The following WWOX variants were observed in gnomAD, a reference collection of about 807,000 sequenced individuals.
WWOX encodes WW domain-containing oxidoreductase.
In WWOX, 69 loss-of-function variants were observed where a neutral mutation model predicts 46.2. The ratio of observed to expected loss-of-function variants is 1.49; its 90% CI spans 1.23 to 1.82. The LOEUF is 1.82. Among genes scored for constraint, WWOX ranks in the 40% most tolerant of loss-of-function variants. The pLI is 0.00. For synonymous variants in WWOX, 359 were observed against 202.6 expected (o/e 1.77, Z -6.56); for missense variants, 919 against 542.6 (o/e 1.69, Z -6.89).
intron 5 of WWOX, among the ~76,000 whole-genome samples, chr16:78,240,938 G>A (rs1340341028): frequency 1.3e-5 from 2 of 152,156 alleles, no homozygotes; most frequent in African/African-American, 4.8e-5. Context: ...TGTCCAGCAA[G>A]GTATCGCTTG....
At chr16:78,882,948 G>T (rs112156244) in intron 8 of WWOX, among the ~76,000 whole-genome samples, 1 of 152,110 alleles carries the variant, frequency 6.6e-6, no homozygotes, top group Admixed American at 6.5e-5. Context: ...CAGCGATGTC[G>T]TAGGCTGAGG....
rs533600243 is a variant in WWOX at position 78,407,760 on chromosome 16, G to A, written c.606-17110G>A. Among the ~76,000 whole-genome samples the A allele has an allele frequency of 8.2e-4, 125 of 152,234 alleles. 1 individual carries two copies. The highest frequency in any genetic ancestry group is 2.9e-3 in the African/African-American group (121 of 41,536). Reference sequence around the variant, plus strand: ...CTATTCAACGTCCTGTAGACCAAATGCCATAAGAAAAATAGCATTGATTCA... The same window carrying A: ...CTATTCAACGTCCTGTAGACCAAATACCATAAGAAAAATAGCATTGATTCA... On this transcript the variant is annotated intron_variant, in intron 6 of 8. Coordinates refer to ENST00000566780, the MANE Select transcript of WWOX (RefSeq NM_016373.4).
At chr16:79,177,936 A>G (rs1368679114) in intron 8 of WWOX, among the ~76,000 whole-genome samples, 1 of 152,198 alleles carries the variant, frequency 6.6e-6, no homozygotes, top group Non-Finnish European at 1.5e-5. Flanking sequence ...TCCAAGAGCA[A>G]AGCAACGGCA....
chr16:79,025,521 C>G (rs2047620349), intron 8 of WWOX, among the ~76,000 whole-genome samples: 2 of 152,024 alleles, frequency 1.3e-5, no homozygotes, highest in Non-Finnish European at 2.9e-5. Flanking sequence ...GATTCCCCCA[C>G]AAGCCAGGGA....
At chr16:78,932,799 C>T (rs899814979) in intron 8 of WWOX, among the ~76,000 whole-genome samples, 4 of 152,140 alleles carry the variant, frequency 2.6e-5, no homozygotes, top group Admixed American at 6.5e-5. Flanking sequence ...GGTCCCAAGC[C>T]CCTCCTGTAG....
At chr16:78,812,145 T>A (rs2051206013) in intron 8 of WWOX, among the ~76,000 whole-genome samples, 1 of 151,980 alleles carries the variant, frequency 6.6e-6, no homozygotes, top group Non-Finnish European at 1.5e-5. Context: ...TAGGTACCAA[T>A]GCATGGCAAT....
intron 8 of WWOX, chr16:79,106,081 C>G (rs1027779126): frequency 3.3e-5 from 5 of 152,184 alleles, no homozygotes; most frequent in Admixed American, 3.3e-4. Flanking sequence ...GTTCCTGGAT[C>G]AGCAGCATCA....
At position 78,156,699 on chromosome 16, in the gene WWOX, G is replaced by T. The variant is rs376669595; in HGVS notation, c.410-7484G>T. Reference sequence around the variant, plus strand: ...AGCACTTTGGGAGGTCGAGGTGGGTGGGTCATTTGAGGTTAGGAGTTCGAG... The same window carrying T: ...AGCACTTTGGGAGGTCGAGGTGGGTTGGTCATTTGAGGTTAGGAGTTCGAG... On this transcript the variant is annotated intron_variant, in intron 4 of 8. Coordinates refer to ENST00000566780, the MANE Select transcript of WWOX (RefSeq NM_016373.4). 3.3e-4 allele frequency among the ~76,000 whole-genome samples: 51 copies of T among 152,250 alleles called. No homozygotes were observed. The East Asian group carries it at 6.4e-3, about 19-fold the overall frequency.
chr16:79,121,819 A>G (rs1306120700), intron 8 of WWOX, among the ~76,000 whole-genome samples: 1 of 152,164 alleles, frequency 6.6e-6, no homozygotes, highest in East Asian at 1.9e-4. Context: ...ATCCCTAATA[A>G]TAAATAAACC....
chr16:79,159,124 G>C (rs754533319), intron 8 of WWOX, among the ~76,000 whole-genome samples: 1 of 152,224 alleles, frequency 6.6e-6, no homozygotes, highest in Non-Finnish European at 1.5e-5. Context: ...ATTTCTCTAA[G>C]TAAATATGCC....
intron 8 of WWOX, among the ~76,000 whole-genome samples, chr16:78,750,124 A>T (rs2049441344): frequency 6.6e-6 from 1 of 152,244 alleles, no homozygotes; most frequent in African/African-American, 2.4e-5. Flanking sequence ...GAAGAAGAGA[A>T]ATGAAAATAA....
chr16:79,206,634 C>G (rs2051521520), intron 8 of WWOX: 1 of 152,222 alleles, frequency 6.6e-6, no homozygotes, highest in Non-Finnish European at 1.5e-5. Flanking sequence ...GGGCAGTTTG[C>G]AGGGCTGAGG....
Position 78,707,834 on chromosome 16 carries a change from C to A in WWOX, c.1056+275082C>A, listed in dbSNP as rs555458302. On this transcript the variant is annotated intron_variant, in intron 8 of 8. Coordinates refer to ENST00000566780, the MANE Select transcript of WWOX (RefSeq NM_016373.4). ...TGTGCTAGAGAGCGAGACTCTGTCTCAAAAATATAAATAAATAAATAAATA... is the reference window on the plus strand; with the variant it reads ...TGTGCTAGAGAGCGAGACTCTGTCTAAAAAATATAAATAAATAAATAAATA... 5.2e-4 allele frequency among the ~76,000 whole-genome samples: 72 copies of A among 137,610 alleles called. 1 individual carries two copies. In the East Asian group the frequency reaches 0.014, roughly 26 times the overall value. The allele number at this position is 137,610 out of a possible 152,430, so 90.3% of individuals were successfully genotyped here.
At chr16:79,194,076 T>G (rs1170690180) in intron 8 of WWOX, among the ~76,000 whole-genome samples, 1 of 152,184 alleles carries the variant, frequency 6.6e-6, no homozygotes, top group African/African-American at 2.4e-5. Context: ...TGTGTGTGTG[T>G]GTCTGTGTGT....
chr16:78,422,834 T>A (rs1195706457), intron 6 of WWOX, among the ~76,000 whole-genome samples: 1 of 109,808 alleles, frequency 9.1e-6, no homozygotes, highest in Non-Finnish European at 1.7e-5. Context: ...CACATATATA[T>A]ATATACATAT....
intron 6 of WWOX, among the ~76,000 whole-genome samples, chr16:78,404,218 AC>A (rs1216834918): frequency 6.6e-6 from 1 of 152,150 alleles, no homozygotes; most frequent in African/African-American, 2.4e-5. Flanking sequence ...AGTGTTTTAA[AC>A]AGATAACTGT....
intron 4 of WWOX, among the ~76,000 whole-genome samples, chr16:78,163,970 C>T (rs1182153366): frequency 6.6e-6 from 1 of 152,118 alleles, no homozygotes; most frequent in Non-Finnish European, 1.5e-5. Context: ...TTTGTAATGC[C>T]TGGTGTTTAC....
chr16:78,321,252 C>A (rs1192271545), intron 5 of WWOX, among the ~76,000 whole-genome samples: 3 of 149,530 alleles, frequency 2.0e-5, no homozygotes, highest in African/African-American at 7.4e-5. Context: ...TTGTTTAAGG[C>A]AACACGTAGG....
chr16:78,121,870 A>AT (rs2033111190), intron 4 of WWOX, among the ~76,000 whole-genome samples: 1 of 152,224 alleles, frequency 6.6e-6, no homozygotes, highest in African/African-American at 2.4e-5. Context: ...CATGTTGTCC[A>AT]TACAGGTCTT....
Sources: gnomAD v4.1 joint callset for allele counts (sites outside exome capture counted in the v4.1 genomes callset) on GRCh38, gnomAD v4.1.1 for gene constraint, MANE v1.5 for transcripts, NCBI Gene and HGNC (gene_info 2026-07-23, HGNC 2026-07-21) for gene names.